Variants in BMPR1A observed in about 807,000 individuals in gnomAD.
BMPR1A encodes the protein bone morphogenetic protein receptor type-1A.
Under a neutral mutation model 66.0 loss-of-function variants are expected in BMPR1A, and 7 were observed. The ratio of observed to expected loss-of-function variants is 0.11; its 90% CI spans 0.06 to 0.20. The LOEUF (loss-of-function observed/expected upper bound fraction) is 0.20, where lower values mean the gene tolerates loss of function less well. Among genes scored for constraint, BMPR1A ranks in the 10% least tolerant of loss-of-function variants. The pLI is 1.00. For missense variants in BMPR1A, 408 were observed against 669.1 expected (o/e 0.61, Z 4.31); for synonymous variants, 200 against 229.7 (o/e 0.87, Z 1.17).
At chr10:86,892,875 A>G (rs1843172953) in intron 5 of BMPR1A, among the ~76,000 whole-genome samples, 2 of 152,014 alleles carry the variant, frequency 1.3e-5, no homozygotes, top group South Asian at 2.1e-4. Flanking sequence ...AAAAAAAAAA[A>G]AAAAAATTCT....
chr10:86,755,830 G>A (rs1412552427), upstream of BMPR1A: 1 of 151,884 alleles, frequency 6.6e-6, no homozygotes, highest in Non-Finnish European at 1.5e-5. Flanking sequence ...GAGCCCGGGC[G>A]CGCCGGGCCT....
chr10:86,785,533 G>A (rs1841502468), intron 1 of BMPR1A, among the ~76,000 whole-genome samples: 2 of 152,176 alleles, frequency 1.3e-5, no homozygotes, highest in Admixed American at 1.3e-4. Flanking sequence ...CCGAACTCCT[G>A]ACCTCAGGTG....
downstream of BMPR1A, chr10:86,931,754 A>G (rs1205975420): frequency 6.6e-6 from 1 of 152,214 alleles, no homozygotes; most frequent in African/African-American, 2.4e-5. Context: ...ATCTAAATAT[A>G]TTCATTCTGT....
chr10:86,786,479 A>AT (rs1841519650), intron 1 of BMPR1A, among the ~76,000 whole-genome samples: 1 of 152,136 alleles, frequency 6.6e-6, no homozygotes, highest in South Asian at 2.1e-4. Flanking sequence ...TAGTAACAGT[A>AT]TTTGACACTG....
At chr10:86,922,541 T>A (rs2133614522) in intron 11 of BMPR1A, among the ~76,000 whole-genome samples, 1 of 152,340 alleles carries the variant, frequency 6.6e-6, no homozygotes, top group South Asian at 2.1e-4. Flanking sequence ...GTTGTCCCAA[T>A]GGCTAACATT....
At chr10:86,849,808 A>G (rs148415549) in intron 2 of BMPR1A, among the ~76,000 whole-genome samples, 1 of 152,342 alleles carries the variant, frequency 6.6e-6, no homozygotes, top group Non-Finnish European at 1.5e-5. Flanking sequence ...TCACATCCTC[A>G]TAGTAGACAC....
intron 1 of BMPR1A, among the ~76,000 whole-genome samples, chr10:86,830,863 G>A (rs1842258773): frequency 6.6e-6 from 1 of 151,194 alleles, no homozygotes; most frequent in Non-Finnish European, 1.5e-5. Flanking sequence ...TTCTTTCATG[G>A]ATTGTATTTT....
In BMPR1A at chr10:86,790,229, ATATAT is replaced by A. The variant is rs1564685682; in HGVS notation, c.-268+33311_-268+33315del. 5.5e-4 allele frequency among the ~76,000 whole-genome samples: 52 copies of A among 94,848 alleles called. 7 individuals are homozygous for A. The highest frequency in any genetic ancestry group is 8.2e-4 in the South Asian group (2 of 2,430). The allele number at this position is 94,848 out of a possible 152,430, so 62.2% of individuals were successfully genotyped here. On this transcript the variant is annotated intron_variant, in intron 1 of 12. Transcript: ENST00000372037. ...TATATATATATATATATATATATAT[ATATAT>A]ATCAAAACCACAATGAGATTCTGCT...
At chr10:86,889,945 A>G in intron 3 of BMPR1A, 117 bp from the exon 4 acceptor site, 1 of 1,089,478 alleles carries the variant, frequency 9.2e-7, no homozygotes, top group Non-Finnish European at 1.4e-6. Flanking sequence ...CTAAAGAAAC[A>G]TGCTAGCTAC....
rs1843228339 is a variant in BMPR1A, at chr10:86,896,682, G to A, written c.334-3112G>A. ...TCTACTGAATGCATTAAAAAATGAT[G>A]TAACACTTCTATTTCAAAATGAGGT... On this transcript the variant is annotated intron_variant, in intron 5 of 12. Transcript: ENST00000372037. Among the ~76,000 whole-genome samples, 2 of 152,162 alleles carry A rather than the reference G, an allele frequency of 1.3e-5. 1 individual carries two copies. The highest frequency in any genetic ancestry group is 1.3e-4 in the Admixed American group (2 of 15,274).
At chr10:86,803,932 A>G (rs1841848450) in intron 1 of BMPR1A, among the ~76,000 whole-genome samples, 1 of 152,064 alleles carries the variant, frequency 6.6e-6, no homozygotes, top group African/African-American at 2.4e-5. Flanking sequence ...ATCTTTCACA[A>G]GTCTTCTTTT....
At chr10:86,763,791 T>TC (rs11374547) in intron 1 of BMPR1A, among the ~76,000 whole-genome samples, 1 of 45,192 alleles carries the variant, frequency 2.2e-5, no homozygotes, top group Non-Finnish European at 4.6e-5. Flanking sequence ...TGGATAGTTG[T>TC]TTTTTTTTTT....
At chr10:86,777,230 G>A (rs977685946) in intron 1 of BMPR1A, among the ~76,000 whole-genome samples, 1 of 152,076 alleles carries the variant, frequency 6.6e-6, no homozygotes, top group Non-Finnish European at 1.5e-5. Context: ...ACCGCAGTTG[G>A]TTAAATCCAA....
intron 7 of BMPR1A, among the ~76,000 whole-genome samples, chr10:86,911,882 C>A (rs1046529935): frequency 2.6e-5 from 4 of 152,022 alleles, no homozygotes; most frequent in Admixed American, 1.3e-4. Flanking sequence ...TCATATCTAT[C>A]AAGTTGGCAA....
At chr10:86,808,560 G>GT (rs1841923630) in intron 1 of BMPR1A, among the ~76,000 whole-genome samples, 1 of 152,156 alleles carries the variant, frequency 6.6e-6, no homozygotes, top group African/African-American at 2.4e-5. Context: ...AATGGCCTGA[G>GT]TTTGAATCCT....
At chr10:86,759,719 C>G (rs58927010) in intron 1 of BMPR1A, among the ~76,000 whole-genome samples, 1 of 152,088 alleles carries the variant, frequency 6.6e-6, no homozygotes, top group African/African-American at 2.4e-5. Flanking sequence ...TTCTTTTTCT[C>G]TTTTTCAGGA....
At chr10:86,896,966 A>G (rs558908712) in intron 5 of BMPR1A, among the ~76,000 whole-genome samples, 2 of 152,314 alleles carry the variant, frequency 1.3e-5, no homozygotes, top group South Asian at 4.1e-4. Flanking sequence ...CCCTTTCCCC[A>G]GTGTCTTCAC....
chr10:86,845,578 G>A (rs991509952), intron 2 of BMPR1A, among the ~76,000 whole-genome samples: 1 of 152,202 alleles, frequency 6.6e-6, no homozygotes, highest in Non-Finnish European at 1.5e-5. Flanking sequence ...AGTGCGGAGA[G>A]GGGTGAGCTG....
chr10:86,810,682 G>A (rs1841956758), intron 1 of BMPR1A, among the ~76,000 whole-genome samples: 1 of 152,170 alleles, frequency 6.6e-6, no homozygotes, highest in Non-Finnish European at 1.5e-5. Flanking sequence ...ATTTCCATGT[G>A]CTTATTGCTC....
Sources: gnomAD v4.1 joint callset for allele counts (sites outside exome capture counted in the v4.1 genomes callset) on GRCh38, gnomAD v4.1.1 for gene constraint, MANE v1.5 for transcripts, NCBI Gene and HGNC (gene_info 2026-07-23, HGNC 2026-07-21) for gene names.